The following TEX14 variants were observed in gnomAD, a reference collection of about 807,000 sequenced individuals.
TEX14 encodes the protein testis expressed 14, intercellular bridge forming factor.
Under a neutral mutation model 178.6 loss-of-function variants are expected in TEX14, and 168 were observed. That is an observed-to-expected ratio of 0.94 (90% CI 0.83 to 1.07). The LOEUF (loss-of-function observed/expected upper bound fraction) is 1.07. Ranked by LOEUF, TEX14 falls within the 50% of genes least tolerant of loss-of-function variation. The pLI is 0.00. For missense variants in TEX14, 1,730 were observed against 1,753.6 expected, an observed-to-expected ratio of 0.99 and a Z score of 0.24; for synonymous variants, 626 against 634.1, an observed-to-expected ratio of 0.99 and a Z score of 0.19.
intron 1 of TEX14, among the ~76,000 whole-genome samples, chr17:58,687,922 G>C (rs1308054782): frequency 6.6e-6 from 1 of 152,140 alleles, no homozygotes; most frequent in African/African-American, 2.4e-5. Flanking sequence ...CATGAGGGCA[G>C]AGAATCTATC....
At chr17:58,581,438 T>C (rs2044815864) in intron 19 of TEX14, among the ~76,000 whole-genome samples, 1 of 152,178 alleles carries the variant, frequency 6.6e-6, no homozygotes, top group Non-Finnish European at 1.5e-5. Flanking sequence ...TTCAGATGTT[T>C]TTCAAAACAC....
At chr17:58,567,964 C>T (rs1195091721) in intron 26 of TEX14, 1 of 152,310 alleles carries the variant, frequency 6.6e-6, no homozygotes, top group Non-Finnish European at 1.5e-5. Flanking sequence ...TATGATCAAA[C>T]TGCAAAGGAG....
intron 2 of TEX14, among the ~76,000 whole-genome samples, chr17:58,649,988 C>T (rs2046805071): frequency 6.6e-6 from 1 of 152,066 alleles, no homozygotes. Context: ...GATCCACCCT[C>T]CTCGGCATCC....
At chr17:58,674,852 A>C (rs987890147) in intron 1 of TEX14, among the ~76,000 whole-genome samples, 3 of 151,504 alleles carry the variant, frequency 2.0e-5, no homozygotes, top group Non-Finnish European at 4.4e-5. Flanking sequence ...AAAAAAAAAA[A>C]AAGGCAGGTA....
chr17:58,617,444 A>G (rs969049082), intron 6 of TEX14, 94 bp downstream of exon 6: 9 of 863,200 alleles, frequency 1.0e-5, no homozygotes, highest in African/African-American at 1.0e-4. Context: ...TTTGGTGAGG[A>G]TAAGGAGGCA....
In TEX14 at chr17:58,599,671, T is replaced by C. The variant is rs779731756; in HGVS notation, c.1679-5A>G. Reference sequence around the variant, plus strand: ...TTGGTGAATGAGGTTGACTGCCTATTGAAAAAAACAGCAAAATGCAACTCA... The same window carrying C: ...TTGGTGAATGAGGTTGACTGCCTATCGAAAAAAACAGCAAAATGCAACTCA... On this transcript the variant is annotated splice_region_variant and splice_polypyrimidine_tract_variant and intron_variant, in intron 13 of 31. Coordinates refer to ENST00000349033, the MANE Select transcript of TEX14 (RefSeq NM_031272.5). 1.9e-6 allele frequency: 3 copies of C among 1,601,228 alleles called. No individual in the cohort carries two copies. Among genetic ancestry groups the C allele is most frequent in the Non-Finnish European group, 2.6e-6 (3 of 1,174,802 alleles).
chr17:58,616,352 G>A (rs2045873175), intron 6 of TEX14, 47 bp from the exon 7 acceptor site: 2 of 1,593,414 alleles, frequency 1.3e-6, no homozygotes, highest in Non-Finnish European at 1.7e-6. Flanking sequence ...GGGGGGAAAA[G>A]CAGAATACAT....
chr17:58,659,340 C>T, intron 1 of TEX14: 1 of 983,650 alleles, frequency 1.0e-6, no homozygotes, highest in Non-Finnish European at 1.2e-6. Context: ...TTACCATCGT[C>T]CTCAACACAC....
At chr17:58,661,887 AC>A (rs1378359758) in intron 1 of TEX14, 4 of 328,724 alleles carry the variant, frequency 1.2e-5, no homozygotes, top group African/African-American at 8.6e-5. Context: ...TTCTGTGAGG[AC>A]TGAATAAGAG....
At chr17:58,686,861 CTTTTTTTTTTTTTTTTTT>C (rs71143271) in intron 1 of TEX14, among the ~76,000 whole-genome samples, 2 of 71,538 alleles carry the variant, frequency 2.8e-5, no homozygotes, top group South Asian at 1.2e-3. Context: ...GAAAGGTCAC[CTTTTTTTTTTTTTTTTTT>C]TTTTTTTTTT....
At chr17:58,580,282 T>C (rs1031177268) in intron 19 of TEX14, among the ~76,000 whole-genome samples, 2 of 152,272 alleles carry the variant, frequency 1.3e-5, no homozygotes, top group South Asian at 2.1e-4. Flanking sequence ...GTTGTGATTA[T>C]AGACATGAGC....
rs1458291775 is a variant in TEX14, at chr17:58,601,931, T to C, written c.1553A>G (p.Gln518Arg). The C allele has an allele frequency of 7.4e-6, 12 of 1,613,274 alleles. No individual in the cohort carries two copies. Among genetic ancestry groups the C allele is most frequent in the Non-Finnish European group, 1.0e-5 (12 of 1,180,004 alleles). Reference sequence around the variant, plus strand: ...CTGCACTCTGGGGCTCTCGGTTGGTTGAGTTCTCTGGGCTCCAGTAAAATC... The same window carrying C: ...CTGCACTCTGGGGCTCTCGGTTGGTCGAGTTCTCTGGGCTCCAGTAAAATC... ...LKDFTGAQRT[Q>R]PTESPRVQRY... The change falls in exon 13 of 32, where the codon CAA (glutamine) becomes CGA (arginine). Residue 518 changes from glutamine (Q) to arginine (R), a missense_variant. Physicochemically the swap from Gln to Arg is conservative, Grantham distance 43. Coordinates refer to ENST00000349033, the MANE Select transcript of TEX14 (RefSeq NM_031272.5).
chr17:58,611,793 C>T (rs2045751948), intron 9 of TEX14, among the ~76,000 whole-genome samples: 1 of 152,180 alleles, frequency 6.6e-6, no homozygotes, highest in South Asian at 2.1e-4. Flanking sequence ...CAGAAAGTGC[C>T]TCCTAAGGGG....
At chr17:58,595,196 A>G (rs1462560796) in intron 14 of TEX14, among the ~76,000 whole-genome samples, 1 of 152,228 alleles carries the variant, frequency 6.6e-6, no homozygotes, top group African/African-American at 2.4e-5. Flanking sequence ...ATATAATTAA[A>G]ATTTTAAGAA....
At position 58,659,271 on chromosome 17, in the gene TEX14, G is replaced by C. The variant is rs887411626; in HGVS notation, c.-1-7269C>G. On this transcript the variant is annotated intron_variant, in intron 1 of 31. Coordinates refer to ENST00000349033, the MANE Select transcript of TEX14 (RefSeq NM_031272.5). ...CTCCCCCAAGAAAAACACTTTATCA[G>C]GACCAACAGCGTCTCTCCCCCGCCA... The C allele has an allele frequency of 3.1e-5, 27 of 869,786 alleles. No individual in the cohort carries two copies. In the Admixed American group the frequency reaches 1.6e-3, roughly 52 times the overall value. The allele number at this position is 869,786 out of a possible 1,614,324, so 53.9% of individuals were successfully genotyped here. A position where few individuals can be genotyped will look rare whatever the true frequency, so the allele number is the denominator to read the frequency against.
rs543327081 is a variant in TEX14, at chr17:58,678,920, G to A, written c.-2+13019C>T. ...TGTAATCCCAGCACTTTGGGAGGCCGAGGCAGGTAAATCACCTGAGGTTAG... is the reference window on the plus strand; with the variant it reads ...TGTAATCCCAGCACTTTGGGAGGCCAAGGCAGGTAAATCACCTGAGGTTAG... On this transcript the variant is annotated intron_variant, in intron 1 of 31. Coordinates refer to ENST00000349033, the MANE Select transcript of TEX14 (RefSeq NM_031272.5). Among the ~76,000 whole-genome samples the A allele has an allele frequency of 1.7e-4, 26 of 151,844 alleles. No homozygotes were observed. In the South Asian group the frequency reaches 2.7e-3, roughly 16 times the overall value.
intron 1 of TEX14, among the ~76,000 whole-genome samples, chr17:58,659,567 G>A (rs2047064050): frequency 6.6e-6 from 1 of 152,162 alleles, no homozygotes; most frequent in South Asian, 2.1e-4. Context: ...CGATCTGACT[G>A]AACTCCCTTA....
chr17:58,680,971 G>A (rs1283275250), intron 1 of TEX14, among the ~76,000 whole-genome samples: 1 of 152,016 alleles, frequency 6.6e-6, no homozygotes. Flanking sequence ...TTTACAAAAG[G>A]AAGAAATAAT....
At chr17:58,606,527 T>A (rs1046776565) in intron 10 of TEX14, among the ~76,000 whole-genome samples, 1 of 152,022 alleles carries the variant, frequency 6.6e-6, no homozygotes, top group African/African-American at 2.4e-5. Context: ...GGGCAGTGAG[T>A]TCATGAAGTC....
Sources: gnomAD v4.1 joint callset for allele counts (sites outside exome capture counted in the v4.1 genomes callset) on GRCh38, gnomAD v4.1.1 for gene constraint, MANE v1.5 for transcripts, NCBI Gene and HGNC (gene_info 2026-07-23, HGNC 2026-07-21) for gene names.